Variants in RORA observed in about 807,000 individuals in gnomAD.
RORA encodes nuclear receptor ROR-alpha.
A neutral mutation model predicts 69.5 loss-of-function variants in RORA; 7 were observed. The observed-to-expected ratio is 0.10, with a 90% CI of 0.06 to 0.19. RORA has a LOEUF of 0.19. Ranked by LOEUF, RORA falls within the 10% of genes least tolerant of loss-of-function variation. The pLI, the probability that RORA is intolerant of heterozygous loss-of-function variation, is 1.00. For synonymous variants in RORA, 261 were observed against 240.8 expected (o/e 1.08, Z -0.78); for missense variants, 457 against 663.0 (o/e 0.69, Z 3.41).
intron 1 of RORA, among the ~76,000 whole-genome samples, chr15:60,968,037 C>T (rs545023037): frequency 7.9e-5 from 12 of 152,320 alleles, no homozygotes; most frequent in East Asian, 3.9e-4. Flanking sequence ...CTGAACATCA[C>T]GGCCAGTCCC....
chr15:61,073,560 G>A (rs10152427), intron 1 of RORA, among the ~76,000 whole-genome samples: 118,422 of 152,018 alleles, frequency 0.78, 46,638 homozygotes, highest in Non-Finnish European at 0.85. Flanking sequence ...GGGAGTTTCA[G>A]TGATATGGGC....
Position 61,115,735 on chromosome 15 carries a change from G to A in RORA, c.166+113318C>T, listed in dbSNP as rs544979650. On this transcript the variant is annotated intron_variant, in intron 1 of 10. Transcript: ENST00000335670. ...TCCATTTCAGCATCACAATTTTTCT[G>A]AACCAAGCGGGGATCAACAATGTGG... Among the ~76,000 whole-genome samples, 47 of 152,226 alleles carry A rather than the reference G, an allele frequency of 3.1e-4. 1 individual carries two copies. In the South Asian group the frequency reaches 8.7e-3, roughly 28 times the overall value.
At chr15:60,566,612 A>C (rs1003834946) in intron 2 of RORA, among the ~76,000 whole-genome samples, 4 of 152,246 alleles carry the variant, frequency 2.6e-5, no homozygotes, top group Non-Finnish European at 5.9e-5. Flanking sequence ...AGATGACTAG[A>C]TGAATACATG....
chr15:60,645,812 TAAAA>T (rs796728170), intron 2 of RORA, among the ~76,000 whole-genome samples: 1 of 140,594 alleles, frequency 7.1e-6, no homozygotes, highest in African/African-American at 2.5e-5. Context: ...TTTTTTTTTT[TAAAA>T]AATTAAGGGG....
intron 1 of RORA, among the ~76,000 whole-genome samples, chr15:61,085,976 G>A (rs2078619083): frequency 6.6e-6 from 1 of 152,198 alleles, no homozygotes; most frequent in African/African-American, 2.4e-5. Flanking sequence ...TTGCTATGCT[G>A]GGTCATAGTT....
chr15:60,865,677 T>C (rs188940332), intron 1 of RORA, among the ~76,000 whole-genome samples: 9 of 152,332 alleles, frequency 5.9e-5, no homozygotes, highest in Admixed American at 2.0e-4. Flanking sequence ...CTTTTCTCAA[T>C]GCTTGTTCAG....
intron 1 of RORA, among the ~76,000 whole-genome samples, chr15:60,831,437 G>A (rs1342774455): frequency 6.6e-6 from 1 of 152,090 alleles, no homozygotes; most frequent in Non-Finnish European, 1.5e-5. Context: ...ACACACAACA[G>A]ACATCTCTCC....
chr15:60,989,033 G>C (rs1448451621), intron 1 of RORA, among the ~76,000 whole-genome samples: 2 of 152,144 alleles, frequency 1.3e-5, no homozygotes, highest in African/African-American at 4.8e-5. Flanking sequence ...ATCACCTTCA[G>C]GGAAAAGTAT....
chr15:61,031,124 G>C, intron 1 of RORA, among the ~76,000 whole-genome samples: 2 of 152,122 alleles, frequency 1.3e-5, no homozygotes, highest in Non-Finnish European at 2.9e-5. Flanking sequence ...GCAGTAGAAA[G>C]GGGTAAGAGA....
chr15:60,939,825 C>A (rs950240543), intron 1 of RORA, among the ~76,000 whole-genome samples: 5 of 152,220 alleles, frequency 3.3e-5, no homozygotes, highest in Non-Finnish European at 7.3e-5. Context: ...CCCTCTTTTC[C>A]CTCCTCTTGC....
intron 2 of RORA, among the ~76,000 whole-genome samples, chr15:60,651,520 A>G (rs72748771): frequency 4.6e-5 from 7 of 152,228 alleles, no homozygotes; most frequent in South Asian, 4.1e-4. Flanking sequence ...TCCTTTGCAA[A>G]CCTTCATGGT....
At chr15:61,199,816 T>C (rs1352188210) in intron 1 of RORA, among the ~76,000 whole-genome samples, 1 of 152,208 alleles carries the variant, frequency 6.6e-6, no homozygotes, top group Admixed American at 6.5e-5. Flanking sequence ...GACAATGGCA[T>C]ATACCTGACT....
At chr15:61,046,477 C>G (rs931788832) in intron 1 of RORA, among the ~76,000 whole-genome samples, 6 of 152,122 alleles carry the variant, frequency 3.9e-5, no homozygotes, top group African/African-American at 1.4e-4. Flanking sequence ...AACTGAGTGT[C>G]GCAATCATCC....
At chr15:60,570,020 C>T (rs1396403216) in intron 2 of RORA, among the ~76,000 whole-genome samples, 1 of 152,036 alleles carries the variant, frequency 6.6e-6, no homozygotes, top group African/African-American at 2.4e-5. Flanking sequence ...ATAGGAAAAA[C>T]GAGAGAAAAG....
At chr15:60,811,114 A>G (rs1233794169) in intron 1 of RORA, among the ~76,000 whole-genome samples, 1 of 152,224 alleles carries the variant, frequency 6.6e-6, no homozygotes, top group East Asian at 1.9e-4. Flanking sequence ...CACTGTTTGC[A>G]CACTGTCCTG....
intron 1 of RORA, among the ~76,000 whole-genome samples, chr15:61,218,051 T>C (rs965157721): frequency 6.6e-6 from 1 of 152,138 alleles, no homozygotes; most frequent in African/African-American, 2.4e-5. Context: ...GGTTTTCAAA[T>C]AGTGAGGAGT....
chr15:61,006,354 C>T (rs529223697), intron 1 of RORA, among the ~76,000 whole-genome samples: 1 of 152,172 alleles, frequency 6.6e-6, no homozygotes, highest in African/African-American at 2.4e-5. Flanking sequence ...GAAAAAACTG[C>T]AATTAGCTTC....
At chr15:61,071,236 G>GA (rs1229596735) in intron 1 of RORA, among the ~76,000 whole-genome samples, 1 of 10,246 alleles carries the variant, frequency 9.8e-5, no homozygotes, top group Non-Finnish European at 1.9e-4. Flanking sequence ...GGGAAGGGAG[G>GA]GGAGGGGAAG....
rs1172774234 is a variant in RORA, at chr15:61,124,683, T to C, written c.166+104370A>G. 3.3e-5 allele frequency among the ~76,000 whole-genome samples: 5 copies of C among 152,350 alleles called. No homozygotes were observed. The East Asian group carries it at 9.7e-4, about 29-fold the overall frequency. On this transcript the variant is annotated intron_variant, in intron 1 of 10. Coordinates refer to ENST00000335670, the MANE Select transcript of RORA (RefSeq NM_134261.3). ...CTCAATTCCTTTGCTTTTCAAATCC[T>C]GCCTGGGAGCAATAAAACCTCTATC... is the stretch of plus-strand genomic sequence containing the variant.
Sources: gnomAD v4.1 joint callset for allele counts (sites outside exome capture counted in the v4.1 genomes callset) on GRCh38, gnomAD v4.1.1 for gene constraint, MANE v1.5 for transcripts, NCBI Gene and HGNC (gene_info 2026-07-23, HGNC 2026-07-21) for gene names.